AMOT: variants seen among roughly 807,000 people sequenced by gnomAD.
The protein encoded by AMOT is angiomotin.
AMOT carries 11 observed loss-of-function variants against 67.0 expected under a neutral mutation model. That is an observed-to-expected ratio of 0.16 (90% confidence interval 0.10 to 0.27). The LOEUF is 0.27. AMOT is among the 10% of genes least tolerant of loss of function. The pLI is 1.00. For missense variants in AMOT, 753 were observed against 852.0 expected (o/e 0.88, Z 1.45); for synonymous variants, 326 against 321.4 (o/e 1.01, Z -0.15).
At chrX:112,799,556 G>A (rs1933944160) in intron 8 of AMOT, among the ~76,000 whole-genome samples, 1 of 111,791 alleles carries the variant, frequency 8.9e-6, no homozygotes, top group Admixed American at 9.5e-5. Flanking sequence ...TGCTCCAAGA[G>A]CCTGATTTTA....
At chrX:112,800,005 G>A (rs1344782595) in intron 8 of AMOT, among the ~76,000 whole-genome samples, 1 of 111,523 alleles carries the variant, frequency 9.0e-6, no homozygotes, top group Non-Finnish European at 1.9e-5. Flanking sequence ...GGCCGAGGCG[G>A]GTGGATCACT....
chrX:112,833,484 G>T (rs918883073), intron 1 of AMOT, among the ~76,000 whole-genome samples: 5 of 103,253 alleles, frequency 4.8e-5, no homozygotes, highest in Admixed American at 1.0e-4. Flanking sequence ...GTAAAGGGGG[G>T]GGGGGGGTCA....
At chrX:112,804,101 G>C (rs1437303342) in intron 8 of AMOT, among the ~76,000 whole-genome samples, 1 of 111,359 alleles carries the variant, frequency 9.0e-6, no homozygotes, top group Non-Finnish European at 1.9e-5. Context: ...GTTTAGTGTT[G>C]CAATCAAATA....
At chrX:112,836,793 A>G (rs998066638) in intron 1 of AMOT, among the ~76,000 whole-genome samples, 6 of 107,888 alleles carry the variant, frequency 5.6e-5, no homozygotes, top group Non-Finnish European at 7.6e-5. Flanking sequence ...TCTAGTAGCA[A>G]TCATTCACAT....
At position 112,779,234 on chromosome X, in the gene AMOT, C is replaced by G. The variant is rs1406467063; in HGVS notation, c.2920G>C (p.Ala974Pro). ...AAAAAVQVAP[A>P]APAPVPAPAL... is the part of the protein sequence containing the mutation. ...GGAGCTGGAACTGGAGCCGGAGCAGCTGGAGCAACCTGAACAGCAGCAGCA... is the reference window on the plus strand; with the variant it reads ...GGAGCTGGAACTGGAGCCGGAGCAGGTGGAGCAACCTGAACAGCAGCAGCA... Residue 974 changes from alanine to proline, a missense_variant, in exon 13 of 14, where the codon GCT becomes CCT. Coordinates refer to ENST00000371959, the MANE Select transcript of AMOT (RefSeq NM_001113490.2). 1 of 665,819 alleles carries G rather than the reference C, an allele frequency of 1.5e-6. No homozygotes were observed. The highest frequency in any genetic ancestry group is 2.5e-6 in the Non-Finnish European group (1 of 402,769). 54.9% of individuals were successfully genotyped at this position (665,819 alleles called of 1,213,427 possible).
chrX:112,799,572 A>T (rs1322142112), intron 8 of AMOT, among the ~76,000 whole-genome samples: 1 of 111,877 alleles, frequency 8.9e-6, no homozygotes, highest in Non-Finnish European at 1.9e-5. Flanking sequence ...TTTTAGTTTG[A>T]TCTGATTTAG....
At chrX:112,824,705 C>T (rs761085637) in intron 3 of AMOT, among the ~76,000 whole-genome samples, 26 of 111,067 alleles carry the variant, frequency 2.3e-4, no homozygotes, top group African/African-American at 7.9e-4. Flanking sequence ...AGTCCCTTTT[C>T]CATTCCTCCC....
At chrX:112,833,114 C>T (rs1342342202) in intron 1 of AMOT, among the ~76,000 whole-genome samples, 1 of 111,819 alleles carries the variant, frequency 8.9e-6, no homozygotes, top group East Asian at 2.8e-4. Context: ...CATACACCTA[C>T]ACCGTGGGCA....
At chrX:112,834,435 AG>A (rs1486528569) in intron 1 of AMOT, among the ~76,000 whole-genome samples, 3 of 111,830 alleles carry the variant, frequency 2.7e-5, no homozygotes, top group African/African-American at 9.8e-5. Flanking sequence ...TAAGGTTGAT[AG>A]GGGGGCGGCA....
intron 1 of AMOT, among the ~76,000 whole-genome samples, chrX:112,838,691 T>G (rs1935197965): frequency 8.9e-6 from 1 of 112,642 alleles, no homozygotes; most frequent in Non-Finnish European, 1.9e-5. Flanking sequence ...CTTTCTAAAA[T>G]CTTTTAAATA....
At chrX:112,790,990 C>T (rs962756823) in intron 9 of AMOT, among the ~76,000 whole-genome samples, 1 of 111,325 alleles carries the variant, frequency 9.0e-6, no homozygotes, top group Non-Finnish European at 1.9e-5. Context: ...AGGAAAGGGG[C>T]CTGTCATATC....
intron 5 of AMOT, among the ~76,000 whole-genome samples, chrX:112,815,067 G>A (rs1413402537): frequency 8.9e-6 from 1 of 112,127 alleles, no homozygotes; most frequent in Non-Finnish European, 1.9e-5. Flanking sequence ...AAGTATCACT[G>A]CCTTTTGGAA....
chrX:112,781,164 G>T (rs759315741), intron 11 of AMOT, 46 bp from the exon 12 acceptor site: 1 of 1,132,553 alleles, frequency 8.8e-7, no homozygotes, highest in East Asian at 3.0e-5. Context: ...GTTGTGGGCT[G>T]GGCGCGGTGG....
intron 10 of AMOT, among the ~76,000 whole-genome samples, chrX:112,784,846 G>A (rs756176312): frequency 8.9e-6 from 1 of 112,013 alleles, no homozygotes; most frequent in Non-Finnish European, 1.9e-5. Context: ...CTGAGCATAC[G>A]GTTTGTCACT....
Position 112,805,076 on chromosome X carries a change from A to G in AMOT, c.1647T>C (p.Arg549=), listed in dbSNP as rs745312835. Reference sequence around the variant, plus strand: ...GCTCCGCTTCCAGCTTCTCCTTCTCACGCTGGCTTTCTTTATCTGTCAGGA... The same window carrying G: ...GCTCCGCTTCCAGCTTCTCCTTCTCGCGCTGGCTTTCTTTATCTGTCAGGA... ...QLFAKNKESQ[R]EKEKLEAELA... Residue 549 remains arginine, a synonymous_variant, in exon 8 of 14, where the codon CGT becomes CGC. Coordinates refer to ENST00000371959, the MANE Select transcript of AMOT (RefSeq NM_001113490.2). The G allele has an allele frequency of 8.3e-7, 1 of 1,211,341 alleles. No homozygotes were observed. Among genetic ancestry groups the G allele is most frequent in the South Asian group, 1.8e-5 (1 of 56,946 alleles).
chrX:112,781,220 T>G (rs1933155558), intron 11 of AMOT, 102 bp from the exon 12 acceptor site: 2 of 778,632 alleles, frequency 2.6e-6, no homozygotes, highest in East Asian at 6.4e-5. Flanking sequence ...GGTGGGCGGA[T>G]TGCAAAGTCA....
chrX:112,794,628 C>T (rs942886577), intron 8 of AMOT, among the ~76,000 whole-genome samples: 1 of 111,974 alleles, frequency 8.9e-6, no homozygotes, highest in Non-Finnish European at 1.9e-5. Context: ...ATCTTATCTA[C>T]GTGTAAAAAG....
At chrX:112,803,604 T>C (rs1301346593) in intron 8 of AMOT, among the ~76,000 whole-genome samples, 1 of 112,028 alleles carries the variant, frequency 8.9e-6, no homozygotes, top group East Asian at 2.8e-4. Context: ...AGGGATATCA[T>C]GAATTAGATG....
At chrX:112,834,897 C>T (rs1456169498) in intron 1 of AMOT, among the ~76,000 whole-genome samples, 1 of 112,104 alleles carries the variant, frequency 8.9e-6, no homozygotes, top group Non-Finnish European at 1.9e-5. Flanking sequence ...TTATTTGTAC[C>T]TCAACTTACC....
Sources: gnomAD v4.1 joint callset for allele counts (sites outside exome capture counted in the v4.1 genomes callset) on GRCh38, gnomAD v4.1.1 for gene constraint, MANE v1.5 for transcripts, NCBI Gene and HGNC (gene_info 2026-07-23, HGNC 2026-07-21) for gene names.